DMGDH: variants seen among roughly 807,000 people sequenced by gnomAD.
DMGDH encodes the protein dimethylglycine dehydrogenase, also known as dimethylglycine dehydrogenase, mitochondrial.
A neutral mutation model predicts 95.2 loss-of-function variants in DMGDH; 76 were observed. The observed-to-expected ratio is 0.80, with a 90% CI of 0.66 to 0.97. The LOEUF (loss-of-function observed/expected upper bound fraction) is 0.97. Among genes scored for constraint, DMGDH ranks in the 50% least tolerant of loss-of-function variants. The probability of loss-of-function intolerance (pLI) is 0.00; values close to 1 mark genes in which losing one functional copy is unlikely to be tolerated. For missense variants in DMGDH, 987 were observed against 1,055.0 expected (o/e 0.94, Z 0.89); for synonymous variants, 345 against 377.6 (o/e 0.91, Z 1.00).
intron 14 of DMGDH, 64 bp from the exon 15 acceptor site, chr5:79,005,471 C>A (rs1414546135): frequency 5.0e-6 from 8 of 1,605,236 alleles, no homozygotes; most frequent in Admixed American, 1.7e-5. Context: ...GTTAGAGATG[C>A]AAGCATTTAA....
chr5:79,033,516 C>T, intron 7 of DMGDH, 108 bp from the exon 8 acceptor site: 2 of 1,293,056 alleles, frequency 1.5e-6, no homozygotes, highest in Non-Finnish European at 2.2e-6. Flanking sequence ...CTGTGCTAAT[C>T]AGAACACACA....
intron 7 of DMGDH, among the ~76,000 whole-genome samples, chr5:79,040,096 CCCAGTTGGTCAGA>C (rs1427616558): frequency 6.6e-6 from 1 of 152,184 alleles, no homozygotes; most frequent in African/African-American, 2.4e-5. Context: ...TGTGGGAACA[CCCAGTTGGTCAGA>C]AGTATGGGTG....
chr5:79,027,874 T>C (rs928281464), intron 12 of DMGDH, among the ~76,000 whole-genome samples: 7 of 145,602 alleles, frequency 4.8e-5, no homozygotes, highest in African/African-American at 1.8e-4. Context: ...GCAGTTTCAC[T>C]CTTGTTGCCC....
Position 79,028,483 on chromosome 5 carries a change from G to C in DMGDH, c.1982C>G (p.Ser661Cys). 6.2e-7 allele frequency: 1 copy of C among 1,614,050 alleles called. No individual in the cohort carries two copies. The highest frequency in any genetic ancestry group is 8.5e-7 in the Non-Finnish European group (1 of 1,179,996). Reference sequence around the variant, plus strand: ...GACAGGAATGTTGGAAACCTTTAAGGACTTGGTTTGAAGAAACTTGAAAAC... The same window carrying C: ...GACAGGAATGTTGGAAACCTTTAAGCACTTGGTTTGAAGAAACTTGAAAAC... ...DDVFKFLQTK[S>C]LKVSNIPVTA... The change falls in exon 12 of 16, where the codon TCC (serine) becomes TGC (cysteine). Residue 661 changes from serine to cysteine, a missense_variant. Coordinates refer to ENST00000255189, the MANE Select transcript of DMGDH (RefSeq NM_013391.3).
chr5:78,998,487 A>C (rs1378279457), intron 15 of DMGDH, among the ~76,000 whole-genome samples, 190 bp from the exon 16 acceptor site: 1 of 152,264 alleles, frequency 6.6e-6, no homozygotes, highest in Admixed American at 6.5e-5. Flanking sequence ...GAAAGTTTAC[A>C]AATTATGAAA....
intron 7 of DMGDH, among the ~76,000 whole-genome samples, chr5:79,035,366 C>T (rs1754319799): frequency 6.6e-6 from 1 of 152,080 alleles, no homozygotes; most frequent in Non-Finnish European, 1.5e-5. Context: ...GCATAGTTTC[C>T]GTCTAACACA....
intron 15 of DMGDH, among the ~76,000 whole-genome samples, chr5:78,998,632 T>C (rs996454481): frequency 6.6e-6 from 1 of 152,096 alleles, no homozygotes; most frequent in African/African-American, 2.4e-5. Context: ...GGCGGATCAT[T>C]TGAGGTCAGG....
At chr5:79,016,863 G>C (rs1753743029) in intron 14 of DMGDH, among the ~76,000 whole-genome samples, 1 of 152,132 alleles carries the variant, frequency 6.6e-6, no homozygotes, top group South Asian at 2.1e-4. Context: ...GAATACAACA[G>C]AGTCCAGAAA....
At chr5:79,027,148 C>CA (rs1313856140) in intron 12 of DMGDH, among the ~76,000 whole-genome samples, 3 of 152,056 alleles carry the variant, frequency 2.0e-5, no homozygotes, top group African/African-American at 7.2e-5. Context: ...AAATGTAACC[C>CA]AAAAAATCCT....
At chr5:79,009,328 CACTT>C (rs1390858199) in intron 14 of DMGDH, among the ~76,000 whole-genome samples, 12 of 142,116 alleles carry the variant, frequency 8.4e-5, no homozygotes, top group South Asian at 7.6e-4. Context: ...AAGTAAGAAA[CACTT>C]ACTTTCTTTC....
In DMGDH at chr5:79,069,665, C is replaced by T. The variant is rs1452925402; in HGVS notation, c.-45G>A. The T allele has an allele frequency of 3.1e-6, 4 of 1,297,198 alleles. No individual in the cohort carries two copies. Among genetic ancestry groups the T allele is most frequent in the Non-Finnish European group, 3.9e-6 (4 of 1,027,124 alleles). 80.4% of individuals were successfully genotyped at this position (1,297,198 alleles called of 1,614,324 possible). ...GCGCAGGCGCCTGCTCCGAGGCCAG[C>T]GGGCAGCCTGAGGCCGCGGGGCCGG... On this transcript the variant is annotated 5_prime_UTR_variant, in exon 1 of 16. Coordinates refer to ENST00000255189, the MANE Select transcript of DMGDH (RefSeq NM_013391.3).
chr5:79,048,198 C>T (rs1167817466), intron 5 of DMGDH, among the ~76,000 whole-genome samples: 1 of 152,000 alleles, frequency 6.6e-6, no homozygotes, highest in Non-Finnish European at 1.5e-5. Context: ...GGGTACTTTA[C>T]ATTATTAGCT....
At position 78,998,244 on chromosome 5, in the gene DMGDH, C is replaced by T. The variant is rs1273851934; in HGVS notation, c.2439G>A (p.Leu813=). 2 of 1,614,064 alleles carry T rather than the reference C, an allele frequency of 1.2e-6. No homozygotes were observed. The highest frequency in any genetic ancestry group is 1.3e-5 in the African/African-American group (1 of 74,924). ...GSYSYSIQKS[L]AFAYVPVQLS... is the part of the protein sequence containing the mutation. ...GTTGTACAGGGACATATGCGAAAGC[C>T]AGACTCTTCTGGATGCTGTAGCTAT... is the stretch of plus-strand genomic sequence containing the variant. Residue 813 remains leucine (L), a synonymous_variant, in exon 16 of 16, where the codon CTG becomes CTA. Transcript: ENST00000255189.
intron 14 of DMGDH, among the ~76,000 whole-genome samples, chr5:79,009,699 C>T (rs938668244): frequency 4.6e-5 from 7 of 152,294 alleles, no homozygotes; most frequent in African/African-American, 1.7e-4. Context: ...TAAGTACAGA[C>T]AGGAGGCTGC....
chr5:79,018,934 CT>C (rs1181584896), intron 14 of DMGDH, among the ~76,000 whole-genome samples: 2 of 152,148 alleles, frequency 1.3e-5, no homozygotes, highest in Non-Finnish European at 2.9e-5. Flanking sequence ...GGTTTTACTT[CT>C]TTCCTCTTCC....
chr5:79,033,435 A>G (rs752436653), intron 7 of DMGDH, 27 bp from the exon 8 acceptor site: 28 of 1,613,002 alleles, frequency 1.7e-5, no homozygotes, highest in Non-Finnish European at 2.3e-5. Flanking sequence ...TAGAAAACCC[A>G]TTACTAACAC....
intron 12 of DMGDH, among the ~76,000 whole-genome samples, chr5:79,028,004 C>T (rs957613709): frequency 6.6e-6 from 1 of 152,076 alleles, no homozygotes; most frequent in Non-Finnish European, 1.5e-5. Flanking sequence ...CCACGCCCAG[C>T]TAATTTTGTA....
intron 14 of DMGDH, among the ~76,000 whole-genome samples, chr5:79,013,608 G>A (rs1008674468): frequency 6.6e-6 from 1 of 152,192 alleles, no homozygotes; most frequent in African/African-American, 2.4e-5. Context: ...AGAAATGCCT[G>A]AGACTGGGTA....
At chr5:79,067,864 T>A (rs998230101) in intron 1 of DMGDH, among the ~76,000 whole-genome samples, 1 of 152,230 alleles carries the variant, frequency 6.6e-6, no homozygotes. Context: ...CATTTTTTGA[T>A]AGTTTGAAAT....
Sources: allele counts gnomAD v4.1 joint callset (sites outside exome capture counted in the v4.1 genomes callset), GRCh38; gene constraint gnomAD v4.1.1; transcripts MANE v1.5; gene names NCBI Gene and HGNC (gene_info 2026-07-23, HGNC 2026-07-21).